The following CNTNAP2 variants were observed in gnomAD, a reference collection of about 807,000 sequenced individuals.
CNTNAP2 encodes contactin associated protein 2.
A neutral mutation model predicts 155.2 loss-of-function variants in CNTNAP2; 98 were observed. That is an observed-to-expected ratio of 0.63 (90% CI 0.54 to 0.75). CNTNAP2 has a LOEUF of 0.75. CNTNAP2 is among the 30% of genes least tolerant of loss of function. The probability of loss-of-function intolerance (pLI) is 0.00; values close to 1 mark genes in which losing one functional copy is unlikely to be tolerated. For missense variants in CNTNAP2, 1,727 were observed against 1,688.1 expected (o/e 1.02, Z -0.40); for synonymous variants, 651 against 631.2 (o/e 1.03, Z -0.47).
intron 11 of CNTNAP2, among the ~76,000 whole-genome samples, chr7:147,528,723 G>A (rs1415047415): frequency 1.3e-5 from 2 of 152,198 alleles, no homozygotes; most frequent in Non-Finnish European, 2.9e-5. Flanking sequence ...AGTGGAAGTA[G>A]GATGTGTAAT....
intron 4 of CNTNAP2, among the ~76,000 whole-genome samples, chr7:147,077,114 A>T (rs1014058165): frequency 1.5e-4 from 23 of 152,312 alleles, no homozygotes; most frequent in Admixed American, 5.9e-4. Context: ...GAGAAAATTT[A>T]AAAAAGTATT....
chr7:146,665,134 C>T (rs73455212), intron 1 of CNTNAP2, among the ~76,000 whole-genome samples: 2,555 of 151,852 alleles, frequency 0.017, 72 homozygotes, highest in African/African-American at 0.059. Context: ...TTTTTAGTAG[C>T]GACGGGGTTT....
chr7:146,792,316 G>A (rs536840079), intron 2 of CNTNAP2, among the ~76,000 whole-genome samples: 2 of 151,644 alleles, frequency 1.3e-5, no homozygotes, highest in South Asian at 4.2e-4. Context: ...TTTATTTTAG[G>A]CAAAATGGCA....
In CNTNAP2 at chr7:146,394,853, C is replaced by G. The variant is rs989027050; in HGVS notation, c.97+277880C>G. On this transcript the variant is annotated intron_variant, in intron 1 of 23. Coordinates refer to ENST00000361727, the MANE Select transcript of CNTNAP2 (RefSeq NM_014141.6). ...TTTAGTATAACCATTCCCAGAACAG[C>G]GTACATTGTACCCACTGGGTAATTT... Among the ~76,000 whole-genome samples, 13 of 152,184 alleles carry G rather than the reference C, an allele frequency of 8.5e-5. No individual in the cohort carries two copies. The East Asian group carries it at 2.5e-3, about 29-fold the overall frequency.
chr7:146,976,204 A>T (rs1023168295), intron 3 of CNTNAP2, among the ~76,000 whole-genome samples: 3 of 152,218 alleles, frequency 2.0e-5, no homozygotes, highest in Non-Finnish European at 4.4e-5. Context: ...CTCGCACTAC[A>T]ACAGTGGGCA....
intron 14 of CNTNAP2, among the ~76,000 whole-genome samples, chr7:147,972,854 G>A (rs535141950): frequency 1.3e-5 from 2 of 152,194 alleles, no homozygotes; most frequent in Admixed American, 1.3e-4. Context: ...ATGCTCAGAT[G>A]GACAACATAA....
Position 147,258,518 on chromosome 7 carries a change from C to T in CNTNAP2, c.1349-41623C>T, listed in dbSNP as rs566306770. The stretch of plus-strand genomic sequence containing the variant: ...TTTACAGCACAAGCACGTATGATTG[C>T]AGCACCCCCTAACTGTTCTCCCGTA... On this transcript the variant is annotated intron_variant, in intron 8 of 23. Transcript: ENST00000361727. Among the ~76,000 whole-genome samples, 3 of 152,070 alleles carry T rather than the reference C, an allele frequency of 2.0e-5. No homozygotes were observed. In the East Asian group the frequency reaches 5.8e-4, roughly 29 times the overall value.
At chr7:147,040,510 G>A (rs1417421964) in intron 3 of CNTNAP2, among the ~76,000 whole-genome samples, 3 of 142,980 alleles carry the variant, frequency 2.1e-5, no homozygotes, top group Non-Finnish European at 4.5e-5. Context: ...ACCCAGGCTG[G>A]AGTACAGTGG....
chr7:146,414,951 A>G (rs1007074351), intron 1 of CNTNAP2, among the ~76,000 whole-genome samples: 2 of 152,190 alleles, frequency 1.3e-5, no homozygotes. Context: ...GAAAAAAAGG[A>G]GTGTTATTTG....
chr7:147,859,835 C>G (rs1382525232), intron 13 of CNTNAP2, among the ~76,000 whole-genome samples: 3 of 152,100 alleles, frequency 2.0e-5, no homozygotes, highest in Non-Finnish European at 4.4e-5. Flanking sequence ...GTATCATTAT[C>G]CATTAAGAAA....
At chr7:147,594,491 T>C (rs532613892) in intron 12 of CNTNAP2, among the ~76,000 whole-genome samples, 2 of 152,302 alleles carry the variant, frequency 1.3e-5, no homozygotes, top group South Asian at 2.1e-4. Flanking sequence ...GACTACCTGC[T>C]TATGAATTAA....
intron 5 of CNTNAP2, among the ~76,000 whole-genome samples, chr7:147,119,447 TC>T (rs1408959767): frequency 6.6e-6 from 1 of 152,164 alleles, no homozygotes; most frequent in African/African-American, 2.4e-5. Context: ...TACCTAAATA[TC>T]AGACGTGTCT....
At chr7:146,537,475 C>G (rs533514256) in intron 1 of CNTNAP2, among the ~76,000 whole-genome samples, 1 of 152,050 alleles carries the variant, frequency 6.6e-6, no homozygotes, top group Admixed American at 6.6e-5. Flanking sequence ...GTAAAAAGAG[C>G]CTGTCATCAT....
intron 1 of CNTNAP2, among the ~76,000 whole-genome samples, chr7:146,180,266 A>G (rs905979990): frequency 2.0e-5 from 3 of 151,958 alleles, no homozygotes; most frequent in African/African-American, 7.2e-5. Flanking sequence ...CATATTTATC[A>G]GATGTGCCCG....
intron 3 of CNTNAP2, among the ~76,000 whole-genome samples, chr7:146,842,026 G>A (rs559381981): frequency 1.4e-5 from 2 of 144,864 alleles, no homozygotes; most frequent in East Asian, 4.2e-4. Flanking sequence ...GGGATTGCAG[G>A]CATCCACCAC....
chr7:147,505,204 G>A (rs13240268), intron 11 of CNTNAP2, among the ~76,000 whole-genome samples: 1 of 152,126 alleles, frequency 6.6e-6, no homozygotes, highest in African/African-American at 2.4e-5. Context: ...GAATAAAATA[G>A]AATTAAAATC....
At chr7:146,683,413 CA>C (rs1230049299) in intron 1 of CNTNAP2, among the ~76,000 whole-genome samples, 16 of 152,106 alleles carry the variant, frequency 1.1e-4, no homozygotes, top group Admixed American at 2.6e-4. Flanking sequence ...ATAAAAGTGT[CA>C]AATGGTTAAT....
intron 1 of CNTNAP2, among the ~76,000 whole-genome samples, chr7:146,299,919 G>T (rs116309248): frequency 0.025 from 3,871 of 152,276 alleles, 162 homozygotes; most frequent in African/African-American, 0.089. Flanking sequence ...GGCAGACCTT[G>T]AACTTCAGAG....
chr7:146,282,176 TAG>T (rs986467871), intron 1 of CNTNAP2, among the ~76,000 whole-genome samples: 7 of 152,198 alleles, frequency 4.6e-5, no homozygotes, highest in African/African-American at 1.4e-4. Flanking sequence ...CAATTGTGTA[TAG>T]ACTCATGACA....
Sources: gnomAD v4.1 joint callset for allele counts (sites outside exome capture counted in the v4.1 genomes callset) on GRCh38, gnomAD v4.1.1 for gene constraint, MANE v1.5 for transcripts, NCBI Gene and HGNC (gene_info 2026-07-23, HGNC 2026-07-21) for gene names.